The following NCKAP1 variants were observed in gnomAD, a reference collection of about 807,000 sequenced individuals.
NCKAP1 encodes the protein nck-associated protein 1.
NCKAP1 carries 21 observed loss-of-function variants against 151.2 expected under a neutral mutation model. That is an observed-to-expected ratio of 0.14 (90% CI 0.10 to 0.20). The LOEUF (loss-of-function observed/expected upper bound fraction) is 0.20, where lower values mean the gene tolerates loss of function less well. NCKAP1 is among the 10% of genes least tolerant of loss of function. The probability of loss-of-function intolerance (pLI) is 1.00; values close to 1 mark genes in which losing one functional copy is unlikely to be tolerated. For missense variants in NCKAP1, 933 were observed against 1,352.1 expected, an observed-to-expected ratio of 0.69 and a Z score of 4.86; for synonymous variants, 484 against 451.8, an observed-to-expected ratio of 1.07 and a Z score of -0.90.
At chr2:182,969,346 T>A (rs1035601710) in intron 15 of NCKAP1, among the ~76,000 whole-genome samples, 18 of 151,922 alleles carry the variant, frequency 1.2e-4, no homozygotes, top group African/African-American at 4.4e-4. Flanking sequence ...TCCTGAACAA[T>A]GTAGAAATTA....
chr2:182,942,289 T>C (rs1697012350), intron 23 of NCKAP1, 126 bp from the exon 24 acceptor site: 1 of 577,908 alleles, frequency 1.7e-6, no homozygotes, highest in Non-Finnish European at 3.0e-6. Flanking sequence ...CGCTCTATGC[T>C]ACATATATTT....
At position 182,918,694 on chromosome 2, in the gene NCKAP1, G is replaced by A. The variant is rs1295555712; in HGVS notation, c.*7008C>T. On this transcript the variant is annotated 3_prime_UTR_variant, in exon 31 of 31. Transcript: ENST00000361354. Reference sequence around the variant, plus strand: ...TTTGGAGACTCAGAAGTGGGAGGATGGGAACGGGTCTAGGGATAAAAAACT... The same window carrying A: ...TTTGGAGACTCAGAAGTGGGAGGATAGGAACGGGTCTAGGGATAAAAAACT... The A allele has an allele frequency of 6.6e-6, 1 of 152,148 alleles. No individual in the cohort carries two copies. The highest frequency in any genetic ancestry group is 2.4e-5 in the African/African-American group (1 of 41,412). The allele number at this position is 152,148 out of a possible 1,614,324, so 9.4% of individuals were successfully genotyped here. A position where few individuals can be genotyped will look rare whatever the true frequency, so the allele number is the denominator to read the frequency against.
intron 19 of NCKAP1, chr2:182,956,857 C>A: frequency 3.7e-6 from 1 of 273,638 alleles, no homozygotes; most frequent in Admixed American, 5.4e-5. Context: ...ATTCTGCACT[C>A]ATAAAGATAA....
intron 1 of NCKAP1, among the ~76,000 whole-genome samples, chr2:183,027,111 T>C (rs1023402142): frequency 1.3e-5 from 2 of 152,206 alleles, no homozygotes; most frequent in Non-Finnish European, 2.9e-5. Flanking sequence ...TTAACCTAAT[T>C]GTTAAGAACC....
intron 20 of NCKAP1, among the ~76,000 whole-genome samples, chr2:182,955,646 A>T (rs1351395157): frequency 2.0e-5 from 3 of 152,154 alleles, no homozygotes; most frequent in African/African-American, 4.8e-5. Flanking sequence ...GTCTTCAAAC[A>T]TTTTACTGTG....
chr2:182,952,426 T>G lies in NCKAP1; in HGVS notation c.2580A>C (p.Ser860=). The change falls in exon 23 of 31, where the codon TCA becomes TCC. Residue 860 remains serine (S), a synonymous_variant. Transcript: ENST00000361354. ...FLSESLMWHI[S]SQVAELKKLV... ...TTACCTTAAGTTCAGCAACTTGTGA[T>G]GAAATATGCCACATAAGGCTTTCAC... The G allele has an allele frequency of 6.2e-7, 1 of 1,607,864 alleles. No homozygotes were observed. Among genetic ancestry groups the G allele is most frequent in the South Asian group, 1.1e-5 (1 of 89,662 alleles).
chr2:182,983,624 C>A (rs3817313), intron 10 of NCKAP1, among the ~76,000 whole-genome samples: 6,749 of 152,220 alleles, frequency 0.044, 207 homozygotes, highest in South Asian at 0.13. Context: ...CAAAATCCTA[C>A]CCAACCTTCA....
chr2:183,002,926 T>C, intron 4 of NCKAP1, 48 bp downstream of exon 4: 1 of 1,427,966 alleles, frequency 7.0e-7, no homozygotes, highest in Non-Finnish European at 9.8e-7. Flanking sequence ...TCCCCTGAGC[T>C]CTTCTGGAAA....
chr2:182,956,405 T>C, intron 20 of NCKAP1, 57 bp downstream of exon 20: 1 of 1,553,624 alleles, frequency 6.4e-7, no homozygotes. Context: ...ACTGTATAAT[T>C]AAATAACAAA....
intron 15 of NCKAP1, among the ~76,000 whole-genome samples, chr2:182,971,210 C>T (rs932725539): frequency 1.2e-4 from 18 of 150,966 alleles, no homozygotes; most frequent in East Asian, 2.0e-4. Flanking sequence ...CCGGCTAAAA[C>T]GGTGAAACCC....
rs1696390233 is a variant in NCKAP1 at position 182,911,301 on chromosome 2, T to C, written c.*14401A>G. 1 of 152,174 alleles carries C rather than the reference T, an allele frequency of 6.6e-6. No individual in the cohort carries two copies. Among genetic ancestry groups the C allele is most frequent in the Non-Finnish European group, 1.5e-5 (1 of 68,046 alleles). The allele number at this position is 152,174 out of a possible 1,614,324, so 9.4% of individuals were successfully genotyped here. On this transcript the variant is annotated 3_prime_UTR_variant, in exon 31 of 31. Transcript: ENST00000361354. ...GTTTTTGTGTCCTCTGCTTCACCTT[T>C]TGATGTCAGAGGGCTGAAAATCCCA...
intron 27 of NCKAP1, among the ~76,000 whole-genome samples, chr2:182,929,896 C>G (rs1016566892): frequency 4.0e-5 from 6 of 151,826 alleles, no homozygotes; most frequent in Non-Finnish European, 8.8e-5. Flanking sequence ...CTACAGGATT[C>G]TGAGTACTGC....
chr2:182,974,091 C>G lies in NCKAP1; in HGVS notation c.1482+2802G>C, dbSNP rs147525579. On this transcript the variant is annotated intron_variant, in intron 15 of 30. Transcript: ENST00000361354. ...TGTATCCTACAGTCTAATCTGTAGG[C>G]TTGGAACTTTCACCTTTGAGCTGCT... 1.1e-4 allele frequency among the ~76,000 whole-genome samples: 16 copies of G among 152,008 alleles called. No homozygotes were observed. In the East Asian group the frequency reaches 3.1e-3, roughly 29 times the overall value.
At chr2:182,956,305 G>T (rs1697326186) in intron 20 of NCKAP1, among the ~76,000 whole-genome samples, 157 bp downstream of exon 20, 1 of 152,206 alleles carries the variant, frequency 6.6e-6, no homozygotes, top group African/African-American at 2.4e-5. Context: ...CTCCCAAAGT[G>T]CTGGGATTAT....
chr2:183,025,086 C>T (rs972085943), intron 1 of NCKAP1: 1 of 1,146,604 alleles, frequency 8.7e-7, no homozygotes, highest in Non-Finnish European at 1.3e-6. Context: ...AACTTATGCA[C>T]TGCAGACTAT....
intron 1 of NCKAP1, among the ~76,000 whole-genome samples, chr2:183,026,259 T>A (rs774276821): frequency 1.7e-4 from 26 of 151,976 alleles, no homozygotes; most frequent in Non-Finnish European, 3.5e-4. Context: ...CATGACCCTG[T>A]CTCTACAAAA....
rs1016179874 is a variant in NCKAP1 at position 183,038,063 on chromosome 2, G to C, written c.37C>G (p.Leu13Val). 24 of 1,587,958 alleles carry C rather than the reference G, an allele frequency of 1.5e-5. No individual in the cohort carries two copies. The African/African-American group carries it at 2.9e-4, about 19-fold the overall frequency. ...TTGAGGATGGTGAGCTTCTCCGCCA[G>C]CTTCTGCTGACTGGGCTGCAGCACT... The part of the protein sequence containing the change: ...RSVLQPSQQK[L>V]AEKLTILNDR... Residue 13 changes from leucine (L) to valine (V), a missense_variant, in exon 1 of 31, where the codon CTG (leucine) becomes GTG (valine). Around this residue, in one of 2 missense-constraint regions of NCKAP1, gnomAD observed 607 missense variants for 795.0 expected, o/e 0.76. Transcript: ENST00000361354.
intron 15 of NCKAP1, among the ~76,000 whole-genome samples, chr2:182,973,834 T>C (rs1697748560): frequency 6.6e-6 from 1 of 152,210 alleles, no homozygotes; most frequent in Admixed American, 6.5e-5. Context: ...TGTTTGTCCT[T>C]TCCTTTTTCC....
intron 18 of NCKAP1, among the ~76,000 whole-genome samples, chr2:182,960,038 C>T (rs956547840): frequency 1.3e-5 from 2 of 152,138 alleles, no homozygotes; most frequent in Non-Finnish European, 2.9e-5. Flanking sequence ...CGTGAAGGAC[C>T]TCTTCAAGGA....
Sources: allele counts gnomAD v4.1 joint callset (sites outside exome capture counted in the v4.1 genomes callset), GRCh38; gene constraint gnomAD v4.1.1; regional missense constraint gnomAD v4.1.1; transcripts MANE v1.5; gene names NCBI Gene and HGNC (gene_info 2026-07-23, HGNC 2026-07-21).